PCDHA5: variants seen among roughly 807,000 people sequenced by gnomAD.
PCDHA5 encodes protocadherin alpha-5.
In PCDHA5, 43 loss-of-function variants were observed where a neutral mutation model predicts 61.6. The observed-to-expected ratio is 0.70, with a 90% CI of 0.55 to 0.90. The LOEUF is 0.90. Ranked by LOEUF, PCDHA5 falls within the 40% of genes least tolerant of loss-of-function variation. The probability of loss-of-function intolerance (pLI) is 0.00; values close to 1 mark genes in which losing one functional copy is unlikely to be tolerated. For synonymous variants in PCDHA5, 627 were observed against 543.9 expected (o/e 1.15, Z -2.13); for missense variants, 1,298 against 1,222.7 (o/e 1.06, Z -0.92).
At chr5:140,882,414 C>T in intron 1 of PCDHA5, 2 of 1,614,148 alleles carry the variant, frequency 1.2e-6, no homozygotes, top group Non-Finnish European at 8.5e-7. Flanking sequence ...GGCCGCATCG[C>T]TCAGGACCTG....
At chr5:140,896,572 T>C (rs1208639295) in intron 1 of PCDHA5, among the ~76,000 whole-genome samples, 5 of 152,002 alleles carry the variant, frequency 3.3e-5, no homozygotes, top group Admixed American at 3.3e-4. Context: ...AGATGGGGTT[T>C]TGACGTGTTG....
chr5:140,842,857 G>A, intron 1 of PCDHA5: 1 of 1,594,002 alleles, frequency 6.3e-7, no homozygotes, highest in East Asian at 2.2e-5. Context: ...CGGTGCACAC[G>A]GAGAGCGGCA....
At chr5:140,904,974 T>C (rs537444148) in intron 1 of PCDHA5, among the ~76,000 whole-genome samples, 97 of 152,356 alleles carry the variant, frequency 6.4e-4, no homozygotes, top group African/African-American at 2.2e-3. Context: ...GTGACTATTT[T>C]CTCCCACTCT....
chr5:140,869,384 A>G, intron 1 of PCDHA5: 1 of 1,614,120 alleles, frequency 6.2e-7, no homozygotes, highest in South Asian at 1.1e-5. Context: ...GACCGCGAGG[A>G]GCTGTGCGGG....
chr5:140,895,281 A>C (rs2064944456), intron 1 of PCDHA5, among the ~76,000 whole-genome samples: 1 of 152,118 alleles, frequency 6.6e-6, no homozygotes, highest in South Asian at 2.1e-4. Context: ...GGATAATTGA[A>C]TTAGGACCTT....
chr5:140,974,396 G>C (rs1413050341), intron 1 of PCDHA5, among the ~76,000 whole-genome samples: 1 of 152,178 alleles, frequency 6.6e-6, no homozygotes, highest in Admixed American at 6.5e-5. Context: ...CATTAGGTAT[G>C]TTCTAAAGTT....
intron 1 of PCDHA5, among the ~76,000 whole-genome samples, chr5:140,837,367 G>T (rs1006213707): frequency 1.1e-4 from 16 of 151,860 alleles, no homozygotes; most frequent in Non-Finnish European, 4.4e-5. Context: ...CAGTTTAATA[G>T]TATTTTTTAT....
At chr5:141,002,595 C>T (rs2098087240) in intron 3 of PCDHA5, among the ~76,000 whole-genome samples, 2 of 152,192 alleles carry the variant, frequency 1.3e-5, no homozygotes, top group Admixed American at 1.3e-4. Context: ...TTAGTCCCCT[C>T]ATCTATAAAA....
At chr5:140,825,303 C>T (rs1296903954) in intron 1 of PCDHA5, 1 of 148,852 alleles carries the variant, frequency 6.7e-6, no homozygotes, top group Non-Finnish European at 1.5e-5. Context: ...TTTAGTGGAA[C>T]AATGATTTAA....
intron 1 of PCDHA5, among the ~76,000 whole-genome samples, chr5:140,914,169 G>A (rs997751296): frequency 1.1e-4 from 17 of 152,140 alleles, no homozygotes; most frequent in Admixed American, 6.5e-5. Context: ...GGAAAGTGGG[G>A]TGTTGAATTC....
At chr5:140,982,252 C>A in intron 2 of PCDHA5, 2 of 770,940 alleles carry the variant, frequency 2.6e-6, no homozygotes, top group South Asian at 2.6e-5. Flanking sequence ...AAAGATAGAA[C>A]ATGTGTGTTC....
chr5:140,841,799 G>A (rs2150322924), intron 1 of PCDHA5: 2 of 1,613,942 alleles, frequency 1.2e-6, no homozygotes, highest in East Asian at 2.2e-5. Context: ...CGCGTCCGAT[G>A]CAGATGTTGG....
intron 3 of PCDHA5, among the ~76,000 whole-genome samples, chr5:141,007,112 G>A (rs1554261059): frequency 6.6e-6 from 1 of 152,170 alleles, no homozygotes; most frequent in African/African-American, 2.4e-5. Flanking sequence ...ACCCAAGGAA[G>A]CTTCAACACA....
rs912184171 is a variant in PCDHA5 at position 140,852,142 on chromosome 5, T to G, written c.2352+28015T>G. 6 of 876,650 alleles carry G rather than the reference T, an allele frequency of 6.8e-6. No individual in the cohort carries two copies. In the African/African-American group the frequency reaches 1.1e-4, roughly 16 times the overall value. The allele number at this position is 876,650 out of a possible 1,614,324, so 54.3% of individuals were successfully genotyped here. ...TAATTAAAAACTCAGTAGAGAAAGA[T>G]CAGAATGGCCTTGAGAATAGAGCCA... On this transcript the variant is annotated intron_variant, in intron 1 of 3. Transcript: ENST00000529859.
At chr5:140,925,131 T>A (rs986113292) in intron 1 of PCDHA5, among the ~76,000 whole-genome samples, 5 of 150,904 alleles carry the variant, frequency 3.3e-5, no homozygotes, top group East Asian at 1.9e-4. Context: ...GGAAAAAAAA[T>A]TTCAAACATA....
chr5:140,846,361 T>TTTTC lies in PCDHA5; in HGVS notation c.2352+22246_2352+22249dup, dbSNP rs1362162129. ...AAAGTGCTTTCTCTTTTTTCTTTTC[T>TTTTC]TTTCTTTCTTTCTTTTTTTTTTTTT... is the stretch of plus-strand genomic sequence containing the variant. On this transcript the variant is annotated intron_variant, in intron 1 of 3. Coordinates refer to ENST00000529859, the MANE Select transcript of PCDHA5 (RefSeq NM_018908.3). 1.5e-5 allele frequency among the ~76,000 whole-genome samples: 2 copies of TTTTC among 133,632 alleles called. 1 individual carries two copies. Among genetic ancestry groups the TTTTC allele is most frequent in the Non-Finnish European group, 3.2e-5 (2 of 63,348 alleles). 87.7% of individuals were successfully genotyped at this position (133,632 alleles called of 152,430 possible). A position where few individuals can be genotyped will look rare whatever the true frequency, so the allele number is the denominator to read the frequency against.
intron 1 of PCDHA5, chr5:140,870,414 G>A (rs374225281): frequency 4.0e-5 from 64 of 1,614,112 alleles, no homozygotes; most frequent in Non-Finnish European, 5.0e-5. Context: ...TGTGGGCCAC[G>A]GCCAGGGTAT....
intron 1 of PCDHA5, chr5:140,852,618 T>C: frequency 1.1e-6 from 1 of 941,450 alleles, no homozygotes; most frequent in Non-Finnish European, 1.3e-6. Flanking sequence ...AAAACTTGAG[T>C]GGTCTCTGAG....
rs150463901 is a variant in PCDHA5, at chr5:140,882,560, C to A, written c.2352+58433C>A. 1.3e-3 allele frequency: 2,163 copies of A among 1,614,168 alleles called. 36 individuals carry two copies. Among genetic ancestry groups the A allele is most frequent in the Admixed American group, 1.6e-3 (95 of 60,010 alleles). ...GATCGACCGCGAGGAGCTGTGTGGG[C>A]GGAGCGCGGAGTGCAGCATCCACCT... On this transcript the variant is annotated intron_variant, in intron 1 of 3. Coordinates refer to ENST00000529859, the MANE Select transcript of PCDHA5 (RefSeq NM_018908.3).
Sources: gnomAD v4.1 joint callset for allele counts (sites outside exome capture counted in the v4.1 genomes callset) on GRCh38, gnomAD v4.1.1 for gene constraint, MANE v1.5 for transcripts, NCBI Gene and HGNC (gene_info 2026-07-23, HGNC 2026-07-21) for gene names.